NAV3: variants seen among roughly 807,000 people sequenced by gnomAD.
The protein encoded by NAV3 is neuron navigator 3, also known as pore membrane and/or filament interacting like protein 1.
NAV3 carries 87 observed loss-of-function variants against 244.7 expected under a neutral mutation model. The ratio of observed to expected loss-of-function variants is 0.36; its 90% confidence interval spans 0.30 to 0.42. The LOEUF is 0.42. NAV3 is among the 20% of genes least tolerant of loss of function. NAV3 has a pLI of 1.00. For missense variants in NAV3, 2,663 were observed against 2,893.3 expected (o/e 0.92, Z 1.83); for synonymous variants, 1,126 against 1,042.2 (o/e 1.08, Z -1.55).
At chr12:77,647,971 A>G (rs1045465608) in intron 2 of NAV3, among the ~76,000 whole-genome samples, 1 of 152,144 alleles carries the variant, frequency 6.6e-6, no homozygotes, top group Non-Finnish European at 1.5e-5. Flanking sequence ...CTTCAGACCA[A>G]GGAAGAACCT....
intron 14 of NAV3, 79 bp downstream of exon 14, chr12:78,118,376 A>G (rs1955516997): frequency 1.3e-6 from 2 of 1,490,924 alleles, no homozygotes; most frequent in Non-Finnish European, 1.8e-6. Flanking sequence ...TTCTCTAACA[A>G]TAGCATTTCT....
intron 2 of NAV3, among the ~76,000 whole-genome samples, chr12:77,599,715 T>A (rs1012082838): frequency 8.6e-5 from 13 of 151,930 alleles, no homozygotes; most frequent in Non-Finnish European, 1.8e-4. Context: ...TTTATAAGGT[T>A]TCAATAATTA....
At chr12:77,590,509 C>T (rs1869856125) in intron 2 of NAV3, among the ~76,000 whole-genome samples, 2 of 152,048 alleles carry the variant, frequency 1.3e-5, no homozygotes, top group Admixed American at 6.6e-5. Flanking sequence ...CTGGGGTTAT[C>T]AGAGGGTGGA....
chr12:77,925,663 G>A (rs1016709256), intron 1 of NAV3, among the ~76,000 whole-genome samples: 28 of 152,148 alleles, frequency 1.8e-4, no homozygotes, highest in Non-Finnish European at 7.4e-5. Context: ...CTACGCAGCA[G>A]CAGCCACTGT....
chr12:77,573,137 T>C (rs1868909525), intron 2 of NAV3, among the ~76,000 whole-genome samples: 2 of 152,168 alleles, frequency 1.3e-5, no homozygotes, highest in South Asian at 4.1e-4. Context: ...AGGAAATTTT[T>C]AGTTAGATGT....
At chr12:78,055,410 G>A (rs1883343495) in intron 11 of NAV3, among the ~76,000 whole-genome samples, 1 of 152,118 alleles carries the variant, frequency 6.6e-6, no homozygotes, top group African/African-American at 2.4e-5. Flanking sequence ...AAGAATACAT[G>A]CAATATATGC....
intron 9 of NAV3, among the ~76,000 whole-genome samples, chr12:78,029,580 G>A (rs1292219356): frequency 6.6e-6 from 1 of 152,044 alleles, no homozygotes; most frequent in African/African-American, 2.4e-5. Context: ...TCCCTAAGGG[G>A]CCCACTTCCC....
At chr12:78,002,548 G>A (rs1873481068) in intron 7 of NAV3, among the ~76,000 whole-genome samples, 1 of 152,026 alleles carries the variant, frequency 6.6e-6, no homozygotes, top group African/African-American at 2.4e-5. Context: ...CTTTAAATTT[G>A]GGCAGCTTAT....
chr12:77,947,651 G>T (rs1326067074), intron 3 of NAV3: 1 of 151,758 alleles, frequency 6.6e-6, no homozygotes, highest in East Asian at 1.9e-4. Context: ...GAAGACAAAT[G>T]CTTTATTACA....
intron 2 of NAV3, among the ~76,000 whole-genome samples, chr12:77,749,903 C>G (rs541310178): frequency 6.6e-6 from 1 of 152,248 alleles, no homozygotes; most frequent in African/African-American, 2.4e-5. Context: ...TCTTTTCTTT[C>G]AAGTTAAAGC....
intron 2 of NAV3, among the ~76,000 whole-genome samples, chr12:77,781,433 C>T (rs933927120): frequency 6.6e-6 from 1 of 152,170 alleles, no homozygotes; most frequent in Non-Finnish European, 1.5e-5. Context: ...CCCAGACATT[C>T]CTTTCTATAG....
At chr12:77,915,034 C>A (rs576111360) in intron 1 of NAV3, among the ~76,000 whole-genome samples, 2 of 151,986 alleles carry the variant, frequency 1.3e-5, no homozygotes, top group East Asian at 3.9e-4. Context: ...CTTTTGGATT[C>A]TAGTTGTCAG....
At chr12:77,956,681 CT>C (rs1565956517) in intron 3 of NAV3, among the ~76,000 whole-genome samples, 1 of 152,058 alleles carries the variant, frequency 6.6e-6, no homozygotes, top group Non-Finnish European at 1.5e-5. Context: ...TTGGTATGCC[CT>C]GTTCCTCCTT....
At chr12:78,064,416 T>TGTCC (rs2137504017) in intron 12 of NAV3, among the ~76,000 whole-genome samples, 2 of 142,926 alleles carry the variant, frequency 1.4e-5, no homozygotes, top group East Asian at 4.3e-4. Context: ...TCTGTCTGTC[T>TGTCC]GTCTGTCTGT....
intron 2 of NAV3, among the ~76,000 whole-genome samples, chr12:77,593,321 C>T (rs1037323129): frequency 1.3e-5 from 2 of 151,204 alleles, no homozygotes; most frequent in African/African-American, 2.4e-5. Context: ...AGGGTTTAAA[C>T]AGTATAAAGC....
upstream of NAV3, among the ~76,000 whole-genome samples, chr12:77,827,336 T>G (rs542913786): frequency 1.4e-3 from 216 of 151,970 alleles, 1 homozygote; most frequent in African/African-American, 5.0e-3. Flanking sequence ...TCAGCAAGCA[T>G]GATTTTGTGT....
At position 78,212,760 on chromosome 12, in the gene NAV3, T is replaced by C. The variant is rs1386293675; in HGVS notation, c.*2243T>C. 1 of 152,668 alleles carries C rather than the reference T, an allele frequency of 6.6e-6. No individual in the cohort carries two copies. The highest frequency in any genetic ancestry group is 2.4e-5 in the African/African-American group (1 of 41,476). 9.5% of individuals were successfully genotyped at this position (152,668 alleles called of 1,614,324 possible). On this transcript the variant is annotated 3_prime_UTR_variant, in exon 40 of 40. Transcript: ENST00000397909. ...TTGTCTGTATACATTTTATATTTTG[T>C]ACATTTTGATGTAACATATCATGTA...
intron 2 of NAV3, among the ~76,000 whole-genome samples, chr12:77,739,011 CAAAAAAAAAAAAAAA>C (rs1168641355): frequency 3.1e-5 from 2 of 64,068 alleles, no homozygotes; most frequent in Non-Finnish European, 5.3e-5. Flanking sequence ...GACTCCGTCT[CAAAAAAAAAAAAAAA>C]AAAAAAAAAA....
intron 8 of NAV3, among the ~76,000 whole-genome samples, chr12:78,019,765 A>G (rs930050659): frequency 6.6e-6 from 1 of 152,106 alleles, no homozygotes; most frequent in Non-Finnish European, 1.5e-5. Context: ...GGAGACCATC[A>G]TCCCATAGGT....
Sources: allele counts gnomAD v4.1 joint callset (sites outside exome capture counted in the v4.1 genomes callset), GRCh38; gene constraint gnomAD v4.1.1; transcripts MANE v1.5; gene names NCBI Gene and HGNC (gene_info 2026-07-23, HGNC 2026-07-21).